SNHG17: variants seen among roughly 807,000 people sequenced by gnomAD.
SNHG17 encodes small nucleolar RNA host gene 17.
chr20:38,423,406 G>A (rs896993132), intron 5 of SNHG17, among the ~76,000 whole-genome samples: 1 of 147,476 alleles, frequency 6.8e-6, no homozygotes, highest in South Asian at 2.1e-4. Context: ...GACAGAGGGA[G>A]ACCCTGTCTC....
intron 5 of SNHG17, among the ~76,000 whole-genome samples, chr20:38,424,036 G>A (rs2122688545): frequency 6.6e-6 from 1 of 152,150 alleles, no homozygotes; most frequent in Non-Finnish European, 1.5e-5. Flanking sequence ...GCTGGGCGTG[G>A]TGATGCACAT....
intron 5 of SNHG17, among the ~76,000 whole-genome samples, chr20:38,425,772 A>C (rs1258178294): frequency 6.6e-6 from 1 of 152,174 alleles, no homozygotes; most frequent in Non-Finnish European, 1.5e-5. Context: ...TACTATCCAC[A>C]CGTCGGCCAG....
chr20:38,424,640 C>G lies in SNHG17; in HGVS notation n.579+1295G>C, dbSNP rs6128030. The stretch of plus-strand genomic sequence containing the variant: ...AGAGGCACTGCCCTGAGGAAGCTCA[C>G]AGCACAGTGGGCAGGAGAAGCAAAC... On this transcript the variant is annotated intron_variant and non_coding_transcript_variant, in intron 5 of 8. Coordinates refer to ENST00000654008, the Ensembl canonical transcript of SNHG17. Among the ~76,000 whole-genome samples the G allele has an allele frequency of 4.2e-3, 643 of 152,340 alleles. 42 individuals are homozygous for G. The East Asian group carries it at 0.12, about 28-fold the overall frequency.
At chr20:38,432,828 G>C (rs1017169305) in intron 2 of SNHG17, among the ~76,000 whole-genome samples, 3 of 151,698 alleles carry the variant, frequency 2.0e-5, no homozygotes, top group Admixed American at 6.6e-5. Context: ...TAGTGTGTGT[G>C]TGTTGTAGAC....
chr20:38,422,361 A>G (rs3752280), intron 5 of SNHG17: 39,479 of 152,224 alleles, frequency 0.26, 7,123 homozygotes, highest in African/African-American at 0.52. Context: ...TGCACACAGC[A>G]GACCCATCTG....
chr20:38,426,989 T>TACACACACACAC (rs764575761), intron 3 of SNHG17, among the ~76,000 whole-genome samples: 1 of 112,756 alleles, frequency 8.9e-6, no homozygotes, highest in African/African-American at 4.9e-5. Flanking sequence ...GTCCCCAAGT[T>TACACACACACAC]ACACATACAC....
chr20:38,432,413 C>T (rs1193493495), intron 2 of SNHG17, among the ~76,000 whole-genome samples: 1 of 152,188 alleles, frequency 6.6e-6, no homozygotes. Flanking sequence ...CTATGATGGG[C>T]AGGATGGCCC....
intron 2 of SNHG17, among the ~76,000 whole-genome samples, chr20:38,433,656 G>A (rs1278490980): frequency 6.6e-6 from 1 of 152,180 alleles, no homozygotes; most frequent in Non-Finnish European, 1.5e-5. Context: ...ACAATAGAGA[G>A]AGGCAAAGAC....
intron 1 of SNHG17, chr20:38,434,865 GC>G: frequency 2.0e-6 from 2 of 985,468 alleles, no homozygotes; most frequent in Non-Finnish European, 2.4e-6. Context: ...GGCTTTGGAG[GC>G]TTCCAATGCC....
At chr20:38,423,173 G>A (rs972079935) in intron 5 of SNHG17, among the ~76,000 whole-genome samples, 1 of 151,666 alleles carries the variant, frequency 6.6e-6, no homozygotes, top group Non-Finnish European at 1.5e-5. Flanking sequence ...AAAGCAGAAG[G>A]ATGGTTTAAG....
At chr20:38,420,943 T>C (rs1306575013) in intron 7 of SNHG17, 1 of 152,056 alleles carries the variant, frequency 6.6e-6, no homozygotes, top group Non-Finnish European at 1.5e-5. Flanking sequence ...GAGGTTCCCA[T>C]CTGCATAAAC....
chr20:38,433,835 G>C, intron 2 of SNHG17: 1 of 519,202 alleles, frequency 1.9e-6, no homozygotes, highest in South Asian at 1.4e-5. Flanking sequence ...CCAAGTGCCA[G>C]GAGGCATTTG....
chr20:38,430,655 G>A (rs2084328247), intron 3 of SNHG17: 1 of 152,330 alleles, frequency 6.6e-6, no homozygotes, highest in African/African-American at 2.4e-5. Context: ...AACAGACTGG[G>A]CTGGAGGGTA....
At chr20:38,433,115 T>TA (rs1347782815) in intron 2 of SNHG17, among the ~76,000 whole-genome samples, 1 of 152,024 alleles carries the variant, frequency 6.6e-6, no homozygotes, top group African/African-American at 2.4e-5. Flanking sequence ...GCTGGAATTA[T>TA]AGGCGTGTGC....
intron 5 of SNHG17, among the ~76,000 whole-genome samples, chr20:38,424,790 A>G (rs1568856038): frequency 6.6e-6 from 1 of 152,172 alleles, no homozygotes. Flanking sequence ...AAACTAGCTC[A>G]GAGACATAAA....
chr20:38,434,675 G>C (rs1294311064), intron 1 of SNHG17: 1 of 229,838 alleles, frequency 4.4e-6, no homozygotes, highest in Non-Finnish European at 7.2e-6. Context: ...AAGGCCCGGG[G>C]ACAGAAGTCC....
At chr20:38,432,533 A>C (rs2084356703) in intron 2 of SNHG17, among the ~76,000 whole-genome samples, 1 of 152,062 alleles carries the variant, frequency 6.6e-6, no homozygotes, top group Admixed American at 6.5e-5. Context: ...TCCTGTGGGG[A>C]AATTAATCCT....
intron 3 of SNHG17, among the ~76,000 whole-genome samples, chr20:38,429,969 G>A (rs1362361452): frequency 2.6e-5 from 4 of 152,234 alleles, no homozygotes; most frequent in Non-Finnish European, 1.5e-5. Context: ...CCTGCCAGAA[G>A]CAGAAAGGAA....
chr20:38,433,005 C>T (rs2084362887), intron 2 of SNHG17, among the ~76,000 whole-genome samples: 1 of 152,132 alleles, frequency 6.6e-6, no homozygotes, highest in South Asian at 2.1e-4. Flanking sequence ...CATAGTCTCA[C>T]TCTGTCGCCT....
Sources: allele counts gnomAD v4.1 joint callset (sites outside exome capture counted in the v4.1 genomes callset), GRCh38; gene constraint gnomAD v4.1.1; transcripts MANE v1.5; gene names NCBI Gene and HGNC (gene_info 2026-07-23, HGNC 2026-07-21).